The following GLCCI1 variants were observed in gnomAD, a reference collection of about 807,000 sequenced individuals.
GLCCI1 encodes the protein glucocorticoid induced 1, also known as glucocorticoid-induced transcript 1 protein.
Under a neutral mutation model 52.2 loss-of-function variants are expected in GLCCI1, and 24 were observed. The ratio of observed to expected loss-of-function variants is 0.46; its 90% confidence interval spans 0.33 to 0.65. GLCCI1 has a LOEUF of 0.65. Among genes scored for constraint, GLCCI1 ranks in the 30% least tolerant of loss-of-function variants. The pLI is 0.02. For missense variants in GLCCI1, 704 were observed against 701.5 expected (o/e 1.00, Z -0.04); for synonymous variants, 310 against 276.5 (o/e 1.12, Z -1.20).
intron 1 of GLCCI1, among the ~76,000 whole-genome samples, chr7:7,985,459 A>G (rs951732142): frequency 1.3e-5 from 2 of 152,150 alleles, no homozygotes; most frequent in Admixed American, 6.6e-5. Flanking sequence ...CTCACTTCGT[A>G]TAAGATAAAA....
intron 1 of GLCCI1, chr7:7,981,861 C>G (rs1780628811): frequency 8.9e-6 from 4 of 447,402 alleles, no homozygotes; most frequent in Non-Finnish European, 1.8e-5. Context: ...ACTAGATGAG[C>G]AGGCAGAAGA....
intron 3 of GLCCI1, among the ~76,000 whole-genome samples, chr7:8,048,224 G>A (rs1286330377): frequency 1.3e-5 from 2 of 152,030 alleles, no homozygotes; most frequent in Non-Finnish European, 2.9e-5. Flanking sequence ...CTTACCTACA[G>A]TTATTTCTGG....
In GLCCI1 at chr7:8,004,065, A is replaced by G; in HGVS notation, c.609+6A>G. ...TGAAAGACAAAGCTACTCAGGTAAA[A>G]TCAGGAAATCAAAATCAGCTTATTA... On this transcript the variant is annotated splice_donor_region_variant and intron_variant, in intron 2 of 7. Transcript: ENST00000223145. The G allele has an allele frequency of 6.2e-7, 1 of 1,611,242 alleles. No individual in the cohort carries two copies. The highest frequency in any genetic ancestry group is 1.3e-5 in the African/African-American group (1 of 74,970).
Position 8,062,748 on chromosome 7 carries a change from A to G in GLCCI1, c.966+2500A>G, listed in dbSNP as rs567494316. Among the ~76,000 whole-genome samples the G allele has an allele frequency of 1.4e-4, 21 of 152,248 alleles. No homozygotes were observed. The South Asian group carries it at 4.1e-3, about 30-fold the overall frequency. On this transcript the variant is annotated intron_variant, in intron 5 of 7. Transcript: ENST00000223145. Reference sequence around the variant, plus strand: ...TGGTTTTCTGTTCCTGTGTTAGTTTACTTAGGATAATGGCCTTTAGCACCA... The same window carrying G: ...TGGTTTTCTGTTCCTGTGTTAGTTTGCTTAGGATAATGGCCTTTAGCACCA...
chr7:8,071,691 T>G (rs1782765235), intron 6 of GLCCI1, among the ~76,000 whole-genome samples: 1 of 152,170 alleles, frequency 6.6e-6, no homozygotes. Flanking sequence ...CTCTCCATGT[T>G]CTTCTATCCT....
At chr7:7,972,562 G>A (rs1008130847) in intron 1 of GLCCI1, among the ~76,000 whole-genome samples, 3 of 152,070 alleles carry the variant, frequency 2.0e-5, no homozygotes, top group Non-Finnish European at 4.4e-5. Context: ...GCTTAAAAAT[G>A]TTTTTATGAT....
At chr7:8,053,335 G>GTTT (rs369225877) in intron 3 of GLCCI1, among the ~76,000 whole-genome samples, 14,857 of 133,688 alleles carry the variant, frequency 0.11, 1,144 homozygotes, top group Middle Eastern at 0.19. Flanking sequence ...TTGTTTGTTT[G>GTTT]TTTGTTTTGA....
chr7:8,027,727 C>G (rs1583983284), intron 3 of GLCCI1, among the ~76,000 whole-genome samples: 1 of 147,074 alleles, frequency 6.8e-6, no homozygotes, highest in Admixed American at 6.8e-5. Flanking sequence ...CTACAAGAAA[C>G]ACACTTCACC....
chr7:7,974,360 T>C (rs545586395), intron 1 of GLCCI1, among the ~76,000 whole-genome samples: 3 of 152,328 alleles, frequency 2.0e-5, no homozygotes, highest in Admixed American at 6.5e-5. Flanking sequence ...CATGTGTAAA[T>C]CATCTTAATC....
At chr7:8,027,258 C>T (rs7811561) in intron 3 of GLCCI1, among the ~76,000 whole-genome samples, 4,738 of 152,232 alleles carry the variant, frequency 0.031, 209 homozygotes, top group African/African-American at 0.094. Context: ...GAAGCCAAGG[C>T]GGGCAGATCC....
chr7:7,969,221 C>T lies in GLCCI1; in HGVS notation c.-130C>T, dbSNP rs1023169268. The T allele has an allele frequency of 1.0e-5, 8 of 800,382 alleles. No individual in the cohort carries two copies. The highest frequency in any genetic ancestry group is 9.2e-5 in the African/African-American group (5 of 54,188). 49.6% of individuals were successfully genotyped at this position (800,382 alleles called of 1,614,324 possible). A position where few individuals can be genotyped will look rare whatever the true frequency, so the allele number is the denominator to read the frequency against. On this transcript the variant is annotated 5_prime_UTR_variant, in exon 1 of 8. Coordinates refer to ENST00000223145, the MANE Select transcript of GLCCI1 (RefSeq NM_138426.4). This position sits in a 1 kb window ranked among gnomAD's most constrained non-coding sequence, Gnocchi z 4.9. ...GAGGGGGAGCCCCGAGACTCCTCCC[C>T]CACAGCGATACCCCCGCCCCTCCCC...
At chr7:8,029,948 T>C (rs537614912) in intron 3 of GLCCI1, among the ~76,000 whole-genome samples, 45 of 152,260 alleles carry the variant, frequency 3.0e-4, no homozygotes, top group African/African-American at 1.0e-3. Flanking sequence ...ATTTGAAGAA[T>C]CAATATTGTT....
intron 2 of GLCCI1, among the ~76,000 whole-genome samples, chr7:8,017,292 G>A (rs987012371): frequency 1.3e-5 from 2 of 152,174 alleles, no homozygotes; most frequent in African/African-American, 4.8e-5. Flanking sequence ...TCTGTCAGAT[G>A]TAAGAGATTT....
At chr7:8,062,499 G>A (rs1018172159) in intron 5 of GLCCI1, among the ~76,000 whole-genome samples, 1 of 152,172 alleles carries the variant, frequency 6.6e-6, no homozygotes, top group Non-Finnish European at 1.5e-5. Context: ...GGGTACACGT[G>A]CAGGTTTCTT....
At chr7:8,039,863 A>G (rs1041721918) in intron 3 of GLCCI1, among the ~76,000 whole-genome samples, 28 of 151,832 alleles carry the variant, frequency 1.8e-4, no homozygotes, top group African/African-American at 6.8e-4. Flanking sequence ...TTGGCATGGT[A>G]GCGGGCTCCT....
At chr7:7,972,768 TATTA>T (rs1780378720) in intron 1 of GLCCI1, among the ~76,000 whole-genome samples, 1 of 152,134 alleles carries the variant, frequency 6.6e-6, no homozygotes, top group African/African-American at 2.4e-5. Flanking sequence ...ATTATTATAA[TATTA>T]ATTTATACAA....
rs180714637 is a variant in GLCCI1, at chr7:8,067,691, G to A, written c.967-3230G>A. Among the ~76,000 whole-genome samples, 218 of 152,320 alleles carry A rather than the reference G, an allele frequency of 1.4e-3. 1 individual carries two copies. Among genetic ancestry groups the A allele is most frequent in the Admixed American group, 8.4e-3 (129 of 15,302 alleles). ...AATAGGCTCCAATCTCTTTTGGCTT[G>A]CCAGATTTCTGCTGAAAGGTCTTCT... On this transcript the variant is annotated intron_variant, in intron 5 of 7. Transcript: ENST00000223145.
intron 6 of GLCCI1, among the ~76,000 whole-genome samples, chr7:8,079,114 CTAAA>C (rs1234970554): frequency 6.6e-6 from 1 of 151,758 alleles, no homozygotes; most frequent in African/African-American, 2.4e-5. Context: ...TCTTTTTTCC[CTAAA>C]TGTTAGTAAA....
At chr7:7,989,610 T>C (rs1303350604) in intron 1 of GLCCI1, among the ~76,000 whole-genome samples, 1 of 152,102 alleles carries the variant, frequency 6.6e-6, no homozygotes, top group African/African-American at 2.4e-5. Flanking sequence ...AGGTCTAGAA[T>C]ACATGCCAGG....
Sources: gnomAD v4.1 joint callset for allele counts (sites outside exome capture counted in the v4.1 genomes callset) on GRCh38, gnomAD v4.1.1 for gene constraint, Gnocchi (gnomAD v3.1) non-coding constraint, MANE v1.5 for transcripts, NCBI Gene and HGNC (gene_info 2026-07-23, HGNC 2026-07-21) for gene names.